SNX30: variants seen among roughly 807,000 people sequenced by gnomAD.
SNX30 encodes sorting nexin-30.
Under a neutral mutation model 46.4 loss-of-function variants are expected in SNX30, and 24 were observed. The observed-to-expected ratio is 0.52, with a 90% CI of 0.37 to 0.73. The LOEUF (loss-of-function observed/expected upper bound fraction) is 0.73. Among genes scored for constraint, SNX30 ranks in the 30% least tolerant of loss-of-function variants. The pLI, the probability that SNX30 is intolerant of heterozygous loss-of-function variation, is 0.00. For synonymous variants in SNX30, 189 were observed against 211.5 expected (o/e 0.89, Z 0.92); for missense variants, 533 against 555.7 (o/e 0.96, Z 0.41).
At chr9:112,865,054 A>C (rs1841299471) in intron 8 of SNX30, among the ~76,000 whole-genome samples, 1 of 144,364 alleles carries the variant, frequency 6.9e-6, no homozygotes, top group East Asian at 2.1e-4. Context: ...CTACACACAC[A>C]CCACACCCCC....
intron 7 of SNX30, among the ~76,000 whole-genome samples, chr9:112,863,305 G>A (rs184907000): frequency 7.2e-5 from 11 of 152,318 alleles, no homozygotes; most frequent in African/African-American, 1.7e-4. Context: ...CTTGTGGTTG[G>A]GATACATTTG....
chr9:112,866,440 T>C (rs1841345445), intron 8 of SNX30: 2 of 470,560 alleles, frequency 4.3e-6, no homozygotes, highest in Non-Finnish European at 8.8e-6. Flanking sequence ...GAGGACCAAA[T>C]AGAAAACTGG....
chr9:112,778,869 A>C (rs1215216345), intron 1 of SNX30, among the ~76,000 whole-genome samples: 1 of 132,902 alleles, frequency 7.5e-6, no homozygotes, highest in Non-Finnish European at 1.6e-5. Context: ...AGAGCTAGGT[A>C]CAGGGGCATG....
intron 1 of SNX30, among the ~76,000 whole-genome samples, chr9:112,771,459 G>A (rs1251752537): frequency 6.6e-6 from 1 of 152,210 alleles, no homozygotes; most frequent in Non-Finnish European, 1.5e-5. Flanking sequence ...TTGAAAAAAT[G>A]TATAAATCGT....
chr9:112,750,221 C>T (rs1188735354), upstream of SNX30, among the ~76,000 whole-genome samples: 1 of 152,242 alleles, frequency 6.6e-6, no homozygotes, highest in Non-Finnish European at 1.5e-5. Flanking sequence ...CAATGGGGAC[C>T]TCAGAGTGAG....
At chr9:112,797,079 C>T (rs1307081805) in intron 1 of SNX30, among the ~76,000 whole-genome samples, 7 of 152,152 alleles carry the variant, frequency 4.6e-5, no homozygotes, top group Non-Finnish European at 1.0e-4. Flanking sequence ...TATTCCAAAG[C>T]GATATTCAGA....
At chr9:112,790,862 C>T (rs1022747197) in intron 1 of SNX30, among the ~76,000 whole-genome samples, 5 of 152,144 alleles carry the variant, frequency 3.3e-5, no homozygotes, top group Non-Finnish European at 5.9e-5. Flanking sequence ...TGACCTATTG[C>T]CATGAACTCA....
chr9:112,783,099 C>T (rs1839870581), intron 1 of SNX30, among the ~76,000 whole-genome samples: 1 of 152,200 alleles, frequency 6.6e-6, no homozygotes, highest in Admixed American at 6.5e-5. Flanking sequence ...TGAAGAATTG[C>T]TTACCACCAG....
chr9:112,864,633 C>G (rs1841289981), intron 8 of SNX30, among the ~76,000 whole-genome samples: 1 of 152,104 alleles, frequency 6.6e-6, no homozygotes, highest in Non-Finnish European at 1.5e-5. Context: ...GGGAAGCAGC[C>G]CATTCGTCTT....
intron 1 of SNX30, among the ~76,000 whole-genome samples, chr9:112,777,212 C>T: frequency 6.6e-6 from 1 of 152,086 alleles, no homozygotes; most frequent in Non-Finnish European, 1.5e-5. Context: ...TTCCTGTTTT[C>T]TGGCTTTTTA....
Position 112,869,603 on chromosome 9 carries a change from AAAAC to A in SNX30, c.*764_*767del, listed in dbSNP as rs1841413902. ...TGGAAACTTTTTGTGTAAAATGAAA[AAAAC>A]AAAGTGCTGGTTTTTTTTTTTTTTC... is the stretch of plus-strand genomic sequence containing the variant. On this transcript the variant is annotated 3_prime_UTR_variant, in exon 9 of 9. Transcript: ENST00000374232. The A allele has an allele frequency of 6.8e-6, 1 of 147,358 alleles. No individual in the cohort carries two copies. The highest frequency in any genetic ancestry group is 7.1e-5 in the Admixed American group (1 of 14,094). The allele number at this position is 147,358 out of a possible 1,614,324, so 9.1% of individuals were successfully genotyped here. A position where few individuals can be genotyped will look rare whatever the true frequency, so the allele number is the denominator to read the frequency against.
At chr9:112,853,969 C>G (rs184356216) in intron 7 of SNX30, among the ~76,000 whole-genome samples, 16 of 152,214 alleles carry the variant, frequency 1.1e-4, no homozygotes, top group Non-Finnish European at 2.1e-4. Flanking sequence ...CCAACAAGTT[C>G]TGCCACTGGC....
At chr9:112,750,686 C>G (rs1218453899), upstream of SNX30, among the ~76,000 whole-genome samples, 1 of 151,446 alleles carries the variant, frequency 6.6e-6, no homozygotes, top group South Asian at 2.1e-4. Flanking sequence ...CTCCCCGCCC[C>G]CTCCCGGGCG....
At chr9:112,837,295 C>T (rs1439365898) in intron 5 of SNX30, among the ~76,000 whole-genome samples, 1 of 152,026 alleles carries the variant, frequency 6.6e-6, no homozygotes, top group Non-Finnish European at 1.5e-5. Context: ...TTGGAGATAG[C>T]TGTGGATACC....
intron 3 of SNX30, among the ~76,000 whole-genome samples, chr9:112,827,529 G>T (rs993499657): frequency 6.6e-6 from 1 of 152,136 alleles, no homozygotes; most frequent in Non-Finnish European, 1.5e-5. Context: ...TTTCCAGGGG[G>T]TGGGGTGTTG....
chr9:112,835,999 A>C lies in SNX30; in HGVS notation c.619-215A>C, dbSNP rs941774081. Among the ~76,000 whole-genome samples, 10 of 152,208 alleles carry C rather than the reference A, an allele frequency of 6.6e-5. No individual in the cohort carries two copies. The East Asian group carries it at 1.9e-3, about 29-fold the overall frequency. On this transcript the variant is annotated intron_variant, in intron 4 of 8. Transcript: ENST00000374232. ...TAAGGATTGGCGTTCAGCTCTGCTGAAAGGGATTTAAGTGTCAACCTACAG... is the reference window on the plus strand; with the variant it reads ...TAAGGATTGGCGTTCAGCTCTGCTGCAAGGGATTTAAGTGTCAACCTACAG...
intron 4 of SNX30, among the ~76,000 whole-genome samples, chr9:112,831,139 T>TAAA (rs77607146): frequency 4.2e-5 from 5 of 119,156 alleles, no homozygotes; most frequent in Admixed American, 2.6e-4. Flanking sequence ...CCTATCTCTT[T>TAAA]AAAAAAAAAA....
In SNX30 at chr9:112,758,476, C is replaced by T. The variant is rs544684106; in HGVS notation, c.156+7319C>T. 1.4e-4 allele frequency among the ~76,000 whole-genome samples: 21 copies of T among 152,238 alleles called. No individual in the cohort carries two copies. In the South Asian group the frequency reaches 4.1e-3, roughly 30 times the overall value. On this transcript the variant is annotated intron_variant, in intron 1 of 8. Coordinates refer to ENST00000374232, the MANE Select transcript of SNX30 (RefSeq NM_001012994.2). ...TCCTGAGTAGCTGGGACCACAGACGCGCATCACCATGCCTGGCTAATTTTT... is the reference window on the plus strand; with the variant it reads ...TCCTGAGTAGCTGGGACCACAGACGTGCATCACCATGCCTGGCTAATTTTT...
chr9:112,769,544 T>A (rs1383800430), intron 1 of SNX30, among the ~76,000 whole-genome samples: 1 of 152,240 alleles, frequency 6.6e-6, no homozygotes, highest in African/African-American at 2.4e-5. Flanking sequence ...CAGGAAGAGC[T>A]GAATCTTCAC....
Sources: gnomAD v4.1 joint callset for allele counts (sites outside exome capture counted in the v4.1 genomes callset) on GRCh38, gnomAD v4.1.1 for gene constraint, MANE v1.5 for transcripts, NCBI Gene and HGNC (gene_info 2026-07-23, HGNC 2026-07-21) for gene names.